NBAS: variants seen among roughly 807,000 people sequenced by gnomAD.
The protein encoded by NBAS is NAG/BC035112 fusion.
In NBAS, 219 loss-of-function variants were observed where a neutral mutation model predicts 302.5. The observed-to-expected ratio is 0.72, with a 90% CI of 0.65 to 0.81. The LOEUF (loss-of-function observed/expected upper bound fraction) is 0.81, where lower values mean the gene tolerates loss of function less well. Ranked by LOEUF, NBAS falls within the 30% of genes least tolerant of loss-of-function variation. The pLI, the probability that NBAS is intolerant of heterozygous loss-of-function variation, is 0.00. For missense variants in NBAS, 2,932 were observed against 2,841.6 expected (o/e 1.03, Z -0.72); for synonymous variants, 1,118 against 1,021.6 (o/e 1.09, Z -1.80).
At chr2:15,177,713 G>GA (rs1008197435) in intron 51 of NBAS, among the ~76,000 whole-genome samples, 1 of 152,044 alleles carries the variant, frequency 6.6e-6, no homozygotes, top group African/African-American at 2.4e-5. Context: ...AACTGGCTAA[G>GA]AAAAAAACTC....
chr2:15,386,125 G>A (rs17612028), intron 28 of NBAS, among the ~76,000 whole-genome samples: 3,329 of 152,278 alleles, frequency 0.022, 69 homozygotes, highest in Middle Eastern at 0.027. Context: ...TTGCACTGGA[G>A]AAATTATGAT....
intron 19 of NBAS, among the ~76,000 whole-genome samples, chr2:15,462,845 G>A (rs551149023): frequency 6.6e-6 from 1 of 152,062 alleles, no homozygotes; most frequent in East Asian, 1.9e-4. Context: ...AGAGCCTTGA[G>A]GAACAACATT....
rs370576269 is a variant in NBAS, at chr2:15,379,763, G to A, written c.3429C>T (p.His1143=). 1.8e-5 allele frequency: 29 copies of A among 1,613,948 alleles called. No homozygotes were observed. The highest frequency in any genetic ancestry group is 2.3e-5 in the Non-Finnish European group (27 of 1,179,994). The change falls in exon 30 of 52, where the codon CAC becomes CAT. Residue 1143 remains histidine (H), a synonymous_variant. Transcript: ENST00000281513. ...ENIHLAGQMM[H]CSACSENPPA... ...GAGGATTTTCTGAACAAGCACTGCA[G>A]TGCATCATCTGTCCAGCCAGGTGGA...
chr2:15,019,457 G>A, the NBAS span, among the ~76,000 whole-genome samples: 1 of 152,118 alleles, frequency 6.6e-6, no homozygotes, highest in Non-Finnish European at 1.5e-5. Context: ...GTTAGCAGGT[G>A]GAAAGAGGAA....
the NBAS span, among the ~76,000 whole-genome samples, chr2:14,782,939 G>C: frequency 1.3e-5 from 2 of 152,036 alleles, no homozygotes; most frequent in African/African-American, 4.8e-5. Context: ...GGGAATAATA[G>C]ACACTGAGGC....
chr2:15,196,592 A>T (rs1375672460), intron 48 of NBAS, among the ~76,000 whole-genome samples: 1 of 152,256 alleles, frequency 6.6e-6, no homozygotes, highest in East Asian at 1.9e-4. Flanking sequence ...CAGAAAACAA[A>T]CTAAATCATG....
the NBAS span, among the ~76,000 whole-genome samples, chr2:15,093,359 T>C: frequency 1.8e-4 from 28 of 152,064 alleles, no homozygotes; most frequent in African/African-American, 6.8e-4. Flanking sequence ...GTGGTTGCAG[T>C]GAGCCGAGAT....
At chr2:15,141,590 T>G in the NBAS span, among the ~76,000 whole-genome samples, 1 of 152,244 alleles carries the variant, frequency 6.6e-6, no homozygotes, top group Non-Finnish European at 1.5e-5. Context: ...AGAGTTAGCA[T>G]GCTGGTTTAT....
chr2:15,323,956 T>G (rs895921714), intron 38 of NBAS, among the ~76,000 whole-genome samples: 40 of 149,368 alleles, frequency 2.7e-4, no homozygotes, highest in African/African-American at 9.6e-4. Context: ...GGCCACAATA[T>G]TTCTTAAAAA....
intron 48 of NBAS, among the ~76,000 whole-genome samples, chr2:15,193,380 G>A (rs538439696): frequency 1.0e-3 from 155 of 152,234 alleles, no homozygotes; most frequent in African/African-American, 3.6e-3. Context: ...TACCACTGTA[G>A]CTGCAAGCTT....
chr2:14,813,795 A>G, the NBAS span, among the ~76,000 whole-genome samples: 1 of 152,242 alleles, frequency 6.6e-6, no homozygotes, highest in Admixed American at 6.5e-5. Flanking sequence ...GGAGCCAAAT[A>G]TCAACAGCCA....
the NBAS span, among the ~76,000 whole-genome samples, chr2:15,121,655 G>A: frequency 6.6e-6 from 1 of 152,016 alleles, no homozygotes; most frequent in Non-Finnish European, 1.5e-5. Flanking sequence ...AGTATTCATA[G>A]TACTGGGTCT....
chr2:14,931,710 T>A, the NBAS span, among the ~76,000 whole-genome samples: 7 of 152,204 alleles, frequency 4.6e-5, no homozygotes, highest in Non-Finnish European at 8.8e-5. Context: ...TGGCTTCAGT[T>A]TGGCCACACA....
the NBAS span, among the ~76,000 whole-genome samples, chr2:14,847,261 T>C: frequency 1.3e-3 from 195 of 151,650 alleles, 2 homozygotes; most frequent in Middle Eastern, 0.014. Context: ...CAGGCACCTG[T>C]AGTCCCAGCT....
the NBAS span, among the ~76,000 whole-genome samples, chr2:14,794,259 T>G: frequency 6.6e-6 from 1 of 152,206 alleles, no homozygotes; most frequent in African/African-American, 2.4e-5. Context: ...GCGCGCATCC[T>G]TAACTTTGGC....
chr2:15,415,493 A>G, intron 25 of NBAS, 53 bp downstream of exon 25: 1 of 1,487,594 alleles, frequency 6.7e-7, no homozygotes, highest in South Asian at 1.1e-5. Flanking sequence ...AATAAAACCT[A>G]ATACTGTAGG....
chr2:14,918,098 G>A, the NBAS span, among the ~76,000 whole-genome samples: 1 of 152,110 alleles, frequency 6.6e-6, no homozygotes, highest in Non-Finnish European at 1.5e-5. Flanking sequence ...AGTAGGAAGT[G>A]TCCTCTTTGG....
At chr2:15,005,618 G>A in the NBAS span, among the ~76,000 whole-genome samples, 6 of 152,202 alleles carry the variant, frequency 3.9e-5, no homozygotes, top group Non-Finnish European at 7.3e-5. Flanking sequence ...ATGTAAAGGC[G>A]AAATAGGGAC....
intron 51 of NBAS, among the ~76,000 whole-genome samples, chr2:15,168,002 T>TA (rs1664114172): frequency 1.3e-5 from 2 of 152,112 alleles, no homozygotes; most frequent in Admixed American, 1.3e-4. Flanking sequence ...CCTTGCCTTT[T>TA]AAAAAACGGT....
Sources: allele counts gnomAD v4.1 joint callset (sites outside exome capture counted in the v4.1 genomes callset), GRCh38; gene constraint gnomAD v4.1.1; transcripts MANE v1.5; gene names NCBI Gene and HGNC (gene_info 2026-07-23, HGNC 2026-07-21).